Variants in SLC5A5 observed in about 807,000 individuals in gnomAD.
SLC5A5 encodes solute carrier family 5 member 5, also known as sodium/iodide cotransporter.
Under a neutral mutation model 68.6 loss-of-function variants are expected in SLC5A5, and 56 were observed. The observed-to-expected ratio is 0.82, with a 90% CI of 0.66 to 1.02. SLC5A5 has a LOEUF of 1.02. Ranked by LOEUF, SLC5A5 falls within the 50% of genes least tolerant of loss-of-function variation. The pLI, the probability that SLC5A5 is intolerant of heterozygous loss-of-function variation, is 0.00. For missense variants in SLC5A5, 807 were observed against 859.8 expected (o/e 0.94, Z 0.77); for synonymous variants, 398 against 373.0 (o/e 1.07, Z -0.77).
At chr19:17,874,303 C>T (rs1439694680) in intron 2 of SLC5A5, 100 bp downstream of exon 2, 2 of 828,298 alleles carry the variant, frequency 2.4e-6, no homozygotes, top group Non-Finnish European at 4.0e-6. Flanking sequence ...ACCCCGCCCC[C>T]CATGCTCCCG....
At chr19:17,876,861 C>G (rs2094308612) in intron 5 of SLC5A5, among the ~76,000 whole-genome samples, 1 of 150,600 alleles carries the variant, frequency 6.6e-6, no homozygotes, top group Non-Finnish European at 1.5e-5. Context: ...ACTCCGTCCC[C>G]CCCCTAAAAA....
intron 10 of SLC5A5, 71 bp downstream of exon 10, chr19:17,882,290 CTG>C: frequency 7.8e-7 from 1 of 1,281,996 alleles, no homozygotes; most frequent in Non-Finnish European, 1.1e-6. Flanking sequence ...TCCCATTAAA[CTG>C]AGGCTCAGAG....
At chr19:17,873,760 C>T (rs1196533932) in intron 1 of SLC5A5, among the ~76,000 whole-genome samples, 3 of 151,720 alleles carry the variant, frequency 2.0e-5, no homozygotes, top group Admixed American at 6.6e-5. Flanking sequence ...CGTCCCCCCT[C>T]CCCCCCAAAA....
intron 5 of SLC5A5, 85 bp from the exon 6 acceptor site, chr19:17,877,638 G>T: frequency 6.5e-7 from 1 of 1,545,224 alleles, no homozygotes; most frequent in Non-Finnish European, 8.8e-7. Flanking sequence ...TCCCCTATAA[G>T]GTCCAGAAGC....
Position 17,882,067 on chromosome 19 carries a change from G to T in SLC5A5, c.1166G>T (p.Gly389Val). The change falls in exon 9 of 15, where the codon GGG becomes GTG. Residue 389 changes from glycine to valine, a missense_variant. Transcript: ENST00000222248. Reference sequence around the variant, plus strand: ...AGGAAACTCGTGATTATCTCCAAGGGGCTCTGTGAGTTTCAGGGAGACCTG... The same window carrying T: ...AGGAAACTCGTGATTATCTCCAAGGTGCTCTGTGAGTTTCAGGGAGACCTG... Reference protein sequence around the residue: ...APRKLVIISKGLSLIYGSACL... With the variant: ...APRKLVIISKVLSLIYGSACL... 6.2e-7 allele frequency: 1 copy of T among 1,613,786 alleles called. No homozygotes were observed. The highest frequency in any genetic ancestry group is 8.5e-7 in the Non-Finnish European group (1 of 1,179,680).
chr19:17,881,015 C>T, intron 8 of SLC5A5, 62 bp downstream of exon 8: 2 of 1,209,898 alleles, frequency 1.7e-6, no homozygotes, highest in South Asian at 1.2e-5. Context: ...CTTATCCTGG[C>T]CTGCCATCCC....
At chr19:17,885,771 G>A (rs913848798) in intron 12 of SLC5A5, among the ~76,000 whole-genome samples, 6 of 152,040 alleles carry the variant, frequency 3.9e-5, no homozygotes, top group African/African-American at 7.2e-5. Context: ...TGGCAAGCAC[G>A]AATCCACTTT....
intron 5 of SLC5A5, among the ~76,000 whole-genome samples, chr19:17,876,878 A>AC (rs1375994219): frequency 2.0e-5 from 3 of 151,706 alleles, no homozygotes; most frequent in Non-Finnish European, 4.4e-5. Context: ...AAAAAAAAAA[A>AC]AATTAGCAGG....
rs370383956 is a variant in SLC5A5, at chr19:17,872,571, C to T, written c.252C>T (p.Gly84=). The change falls in exon 1 of 15, where the codon GGC becomes GGT. Residue 84 remains glycine (G), a synonymous_variant. Transcript: ENST00000222248. ...LGVPSEAYRY[G]LKFLWMCLGQ... ...TGCCGTCGGAGGCCTATCGCTATGGCCTCAAGTTCCTCTGGATGTGCCTGG... is the reference window on the plus strand; with the variant it reads ...TGCCGTCGGAGGCCTATCGCTATGGTCTCAAGTTCCTCTGGATGTGCCTGG... 9 of 1,612,574 alleles carry T rather than the reference C, an allele frequency of 5.6e-6. No homozygotes were observed. The highest frequency in any genetic ancestry group is 3.3e-5 in the South Asian group (3 of 91,088).
rs575147988 is a variant in SLC5A5 at position 17,872,229 on chromosome 19, C to A, written c.-91C>A. On this transcript the variant is annotated 5_prime_UTR_variant, in exon 1 of 15. Coordinates refer to ENST00000222248, the MANE Select transcript of SLC5A5 (RefSeq NM_000453.3). ...GCTGCCGAGCATCCTCCCACCCGCC[C>A]TCCCCGTCCTGCCTCCTCGGCCCCT... 2.0e-6 allele frequency: 1 copy of A among 511,756 alleles called. No homozygotes were observed. Among genetic ancestry groups the A allele is most frequent in the Non-Finnish European group, 3.7e-6 (1 of 273,180 alleles). 31.7% of individuals were successfully genotyped at this position (511,756 alleles called of 1,614,324 possible).
intron 2 of SLC5A5, 43 bp downstream of exon 2, chr19:17,874,246 C>A: frequency 7.1e-7 from 1 of 1,418,144 alleles, no homozygotes; most frequent in Non-Finnish European, 1.0e-6. Context: ...GCCCCGAGAG[C>A]GTCAGCCTTC....
intron 12 of SLC5A5, among the ~76,000 whole-genome samples, chr19:17,888,107 T>G (rs1399628905): frequency 6.6e-6 from 1 of 152,090 alleles, no homozygotes; most frequent in African/African-American, 2.4e-5. Context: ...AGTTACATTT[T>G]AGTAATGTGC....
chr19:17,876,632 G>A (rs775580141), intron 5 of SLC5A5, among the ~76,000 whole-genome samples: 15 of 152,180 alleles, frequency 9.9e-5, no homozygotes, highest in Admixed American at 2.0e-4. Context: ...GGGAGGCCAA[G>A]GATGGCAGAT....
In SLC5A5 at chr19:17,893,812, G is replaced by A; in HGVS notation, c.1867G>A (p.Ala623Thr). 1 of 1,604,986 alleles carries A rather than the reference G, an allele frequency of 6.2e-7. No homozygotes were observed. The highest frequency in any genetic ancestry group is 8.5e-7 in the Non-Finnish European group (1 of 1,175,012). The change falls in exon 15 of 15, where the codon GCT (alanine) becomes ACT (threonine). Residue 623 changes from alanine (A) to threonine (T), a missense_variant. Ala to Thr is a moderately conservative substitution (Grantham distance 58). Coordinates refer to ENST00000222248, the MANE Select transcript of SLC5A5 (RefSeq NM_000453.3). Reference protein sequence around the residue: ...FFLGQKELEGAGSWTPCVGHD... With the variant: ...FFLGQKELEGTGSWTPCVGHD... The stretch of plus-strand genomic sequence containing the variant: ...CTTGGGGCAGAAGGAGCTGGAGGGG[G>A]CTGGCTCTTGGACCCCCTGTGTTGG...
At position 17,877,826 on chromosome 19, in the gene SLC5A5, C is replaced by T. The variant is rs778105470; in HGVS notation, c.802C>T (p.Arg268Cys). ...MYGVNQAQVQ[R>C]YVACRTEKQA... ...TGGCGTGAACCAGGCGCAGGTGCAG[C>T]GCTACGTGGCTTGCCGCACAGAGAA... The change falls in exon 6 of 15, where the codon CGC (arginine) becomes TGC (cysteine). Residue 268 changes from arginine to cysteine, a missense_variant. Arg to Cys is a radical substitution (Grantham distance 180). Transcript: ENST00000222248. 3.3e-5 allele frequency: 54 copies of T among 1,614,090 alleles called. No individual in the cohort carries two copies. Among genetic ancestry groups the T allele is most frequent in the Non-Finnish European group, 4.3e-5 (51 of 1,180,040 alleles).
chr19:17,879,108 C>T (rs965107081), intron 7 of SLC5A5, among the ~76,000 whole-genome samples: 1 of 149,408 alleles, frequency 6.7e-6, no homozygotes, highest in Non-Finnish European at 1.5e-5. Flanking sequence ...TCCTGACCAA[C>T]ATGGAAAAAC....
chr19:17,885,340 T>A (rs1014548147), intron 12 of SLC5A5, among the ~76,000 whole-genome samples: 9 of 151,814 alleles, frequency 5.9e-5, no homozygotes, highest in African/African-American at 2.2e-4. Context: ...TATTTATTTA[T>A]TTATTTATTT....
rs1352073333 is a variant in SLC5A5, at chr19:17,872,565, C to T, written c.246C>T (p.Arg82=). 6.2e-7 allele frequency: 1 copy of T among 1,612,088 alleles called. No homozygotes were observed. Among genetic ancestry groups the T allele is most frequent in the Admixed American group, 1.7e-5 (1 of 60,024 alleles). ...QVLGVPSEAY[R]YGLKFLWMCL... is the part of the protein sequence containing the mutation. ...TGGGCGTGCCGTCGGAGGCCTATCG[C>T]TATGGCCTCAAGTTCCTCTGGATGT... The change falls in exon 1 of 15, where the codon CGC becomes CGT. Residue 82 remains arginine (R), a synonymous_variant. Coordinates refer to ENST00000222248, the MANE Select transcript of SLC5A5 (RefSeq NM_000453.3).
chr19:17,883,236 A>G (rs570649497), intron 10 of SLC5A5, among the ~76,000 whole-genome samples: 1 of 151,742 alleles, frequency 6.6e-6, no homozygotes, highest in Admixed American at 6.6e-5. Context: ...TGAGATTAAG[A>G]ACTAAGTTCT....
Sources: allele counts gnomAD v4.1 joint callset (sites outside exome capture counted in the v4.1 genomes callset), GRCh38; gene constraint gnomAD v4.1.1; transcripts MANE v1.5; gene names NCBI Gene and HGNC (gene_info 2026-07-23, HGNC 2026-07-21).